The following REST variants were observed in gnomAD, a reference collection of about 807,000 sequenced individuals.
REST encodes RE1-silencing transcription factor.
REST carries 1 observed loss-of-function variant against 30.4 expected under a neutral mutation model. The ratio of observed to expected loss-of-function variants is 0.03; its 90% CI spans 0.01 to 0.16. The LOEUF (loss-of-function observed/expected upper bound fraction) is 0.16, where lower values mean the gene tolerates loss of function less well. REST is among the 10% of genes least tolerant of loss of function. The pLI is 1.00. For synonymous variants in REST, 504 were observed against 451.1 expected (o/e 1.12, Z -1.49); for missense variants, 1,259 against 1,329.5 (o/e 0.95, Z 0.82).
chr4:56,924,571 C>T (rs1720595757), intron 3 of REST, among the ~76,000 whole-genome samples: 1 of 151,768 alleles, frequency 6.6e-6, no homozygotes, highest in African/African-American at 2.4e-5. Flanking sequence ...AGTCCTGCCA[C>T]CTTAACCTCC....
intron 2 of REST, among the ~76,000 whole-genome samples, chr4:56,915,639 G>A (rs549623586): frequency 6.6e-6 from 1 of 152,140 alleles, no homozygotes; most frequent in African/African-American, 2.4e-5. Flanking sequence ...GTATTAAATG[G>A]ATAGTTCTGA....
At chr4:56,925,937 A>C (rs962638900) in intron 3 of REST, among the ~76,000 whole-genome samples, 2 of 152,206 alleles carry the variant, frequency 1.3e-5, no homozygotes, top group Non-Finnish European at 2.9e-5. Flanking sequence ...CATCAGAGTT[A>C]TAAAATGGTG....
intron 2 of REST, among the ~76,000 whole-genome samples, chr4:56,918,332 A>C (rs1024877457): frequency 6.5e-5 from 6 of 91,894 alleles, no homozygotes; most frequent in African/African-American, 2.4e-4. Flanking sequence ...TCTCTACCCA[A>C]AAAAAAAAAA....
intron 3 of REST, among the ~76,000 whole-genome samples, chr4:56,926,045 G>A (rs571182696): frequency 5.3e-5 from 8 of 152,216 alleles, no homozygotes; most frequent in Admixed American, 1.3e-4. Flanking sequence ...GACAGGATAC[G>A]TAAGAGTCTT....
chr4:56,908,268 C>G (rs944776096), intron 1 of REST, 55 bp downstream of exon 1: 1,615 of 143,962 alleles, frequency 0.011, 21 homozygotes, highest in Non-Finnish European at 0.017. Flanking sequence ...GCCGCCCGGG[C>G]GGCGGCAGTG....
At chr4:56,910,561 G>C in intron 1 of REST, 69 bp from the exon 2 acceptor site, 2 of 1,306,330 alleles carry the variant, frequency 1.5e-6, no homozygotes, top group African/African-American at 1.5e-5. Context: ...GAATTACAGC[G>C]ATGTGGTTTT....
intron 1 of REST, among the ~76,000 whole-genome samples, 196 bp downstream of exon 1, chr4:56,908,409 C>T (rs1477193889): frequency 6.6e-6 from 1 of 151,180 alleles, no homozygotes; most frequent in Non-Finnish European, 1.5e-5. Flanking sequence ...GGTTACACAG[C>T]AGCCGCCCGG....
rs777335033 is a variant in REST at position 56,931,656 on chromosome 4, C to T, written c.2798C>T (p.Thr933Ile). 7 of 1,614,092 alleles carry T rather than the reference C, an allele frequency of 4.3e-6. No individual in the cohort carries two copies. The change falls in exon 4 of 4, where the codon ACT becomes ATT. Residue 933 changes from threonine to isoleucine, a missense_variant. Physicochemically the swap from Thr to Ile is moderately conservative, Grantham distance 89. This residue lies in a region of REST where 856 missense variants were observed against 772.8 expected (regional missense o/e 1.11). Transcript: ENST00000309042. ...AACTTGAATACGCCAGAGGGTGAAA[C>T]TTTAAATGGTAAACATCAGACTGAC... Reference protein sequence around the residue: ...GQNLNTPEGETLNGKHQTDSI... With the variant: ...GQNLNTPEGEILNGKHQTDSI...
intron 3 of REST, among the ~76,000 whole-genome samples, chr4:56,928,216 CCTT>C (rs1578510337): frequency 6.6e-6 from 1 of 152,026 alleles, no homozygotes; most frequent in Non-Finnish European, 1.5e-5. Context: ...AAGCAATTCT[CCTT>C]CTTCAGCCTC....
intron 2 of REST, among the ~76,000 whole-genome samples, chr4:56,914,847 C>G (rs145444010): frequency 6.6e-6 from 1 of 151,522 alleles, no homozygotes; most frequent in Non-Finnish European, 1.5e-5. Context: ...AGCCACCAAG[C>G]CTGGCCTGGT....
chr4:56,914,176 C>T (rs931660057), intron 2 of REST, among the ~76,000 whole-genome samples: 3 of 152,108 alleles, frequency 2.0e-5, no homozygotes, highest in African/African-American at 7.2e-5. Flanking sequence ...GTAATCTGCC[C>T]TTAGCCTCCC....
In REST at chr4:56,930,674, GCTCAGATGGACCCTC is replaced by G. The variant is rs1166428807; in HGVS notation, c.1826_1840del (p.Asp609_Met613del). On this transcript the variant is annotated inframe_deletion, in exon 4 of 4. Transcript: ENST00000309042. ...GAAGGAACCTGTTGAGAAGGGATCTGCTCAGATGGACCCTCCTCAGATGGGGCCTGCTCCCACAGA... is the reference window on the plus strand; with the variant it reads ...GAAGGAACCTGTTGAGAAGGGATCTGCTCAGATGGGGCCTGCTCCCACAGA... 6 of 1,613,340 alleles carry G rather than the reference GCTCAGATGGACCCTC, an allele frequency of 3.7e-6. No homozygotes were observed. The highest frequency in any genetic ancestry group is 1.7e-5 in the Admixed American group (1 of 59,846).
chr4:56,919,855 A>T lies in REST; in HGVS notation c.967A>T (p.Met323Leu). The T allele has an allele frequency of 6.3e-7, 1 of 1,584,392 alleles. No homozygotes were observed. Among genetic ancestry groups the T allele is most frequent in the Non-Finnish European group, 8.6e-7 (1 of 1,159,432 alleles). ...SSQKTHLTRH[M>L]RTHSGEKPFK... ...TCAGAAGACTCATCTAACTAGACATATGCGTACTCATTCAGGTTGGTAAGA... is the reference window on the plus strand; with the variant it reads ...TCAGAAGACTCATCTAACTAGACATTTGCGTACTCATTCAGGTTGGTAAGA... The change falls in exon 3 of 4, where the codon ATG becomes TTG. Residue 323 changes from methionine (M) to leucine (L), a missense_variant. Around this residue, in one of 5 missense-constraint regions of REST, gnomAD observed 125 missense variants for 255.4 expected, o/e 0.49. Coordinates refer to ENST00000309042, the MANE Select transcript of REST (RefSeq NM_005612.5).
At chr4:56,918,330 C>CA (rs111891686) in intron 2 of REST, among the ~76,000 whole-genome samples, 5,838 of 137,244 alleles carry the variant, frequency 0.043, 414 homozygotes, top group African/African-American at 0.14. Context: ...GGTCTCTACC[C>CA]AAAAAAAAAA....
At chr4:56,927,676 G>A in intron 3 of REST, 1 of 1,220,826 alleles carries the variant, frequency 8.2e-7, no homozygotes, top group Non-Finnish European at 1.1e-6. Context: ...TATGTATTCA[G>A]GTAGAATGTA....
chr4:56,910,453 C>T (rs1057441749), intron 1 of REST, among the ~76,000 whole-genome samples, 177 bp from the exon 2 acceptor site: 14 of 152,052 alleles, frequency 9.2e-5, no homozygotes, highest in African/African-American at 3.1e-4. Flanking sequence ...TTGCAGTAGA[C>T]TATTGGGAAT....
At chr4:56,920,471 A>C (rs535119205) in intron 3 of REST, among the ~76,000 whole-genome samples, 31 of 151,934 alleles carry the variant, frequency 2.0e-4, no homozygotes, top group African/African-American at 6.0e-4. Flanking sequence ...ACTCATAATT[A>C]GTCCCTGTTG....
At chr4:56,927,095 T>C (rs1720746973) in intron 3 of REST, among the ~76,000 whole-genome samples, 1 of 115,010 alleles carries the variant, frequency 8.7e-6, no homozygotes. Flanking sequence ...AAACTCCATC[T>C]CAAGAAAAAA....
At chr4:56,914,585 T>C (rs1198759636) in intron 2 of REST, among the ~76,000 whole-genome samples, 1 of 152,234 alleles carries the variant, frequency 6.6e-6, no homozygotes, top group Non-Finnish European at 1.5e-5. Flanking sequence ...ACAGTTTGAA[T>C]TAGACAGACT....
Sources: gnomAD v4.1 joint callset for allele counts (sites outside exome capture counted in the v4.1 genomes callset) on GRCh38, gnomAD v4.1.1 for gene constraint, gnomAD v4.1.1 regional missense constraint, MANE v1.5 for transcripts, NCBI Gene and HGNC (gene_info 2026-07-23, HGNC 2026-07-21) for gene names.